The following CIZ1 variants were observed in gnomAD, a reference collection of about 807,000 sequenced individuals.
The protein encoded by CIZ1 is cip1-interacting zinc finger protein.
CIZ1 carries 58 observed loss-of-function variants against 118.6 expected under a neutral mutation model. The ratio of observed to expected loss-of-function variants is 0.49; its 90% CI spans 0.40 to 0.61. The LOEUF (loss-of-function observed/expected upper bound fraction) is 0.61, where lower values mean the gene tolerates loss of function less well. Ranked by LOEUF, CIZ1 falls within the 20% of genes least tolerant of loss-of-function variation. CIZ1 has a pLI of 0.00. For missense variants in CIZ1, 921 were observed against 1,115.9 expected (o/e 0.83, Z 2.49); for synonymous variants, 448 against 443.4 (o/e 1.01, Z -0.13).
At chr9:128,175,359 T>G (rs1373392090) in intron 11 of CIZ1, among the ~76,000 whole-genome samples, 2 of 152,140 alleles carry the variant, frequency 1.3e-5, no homozygotes, top group African/African-American at 2.4e-5. Flanking sequence ...GTCATCATTC[T>G]CCTGTGTTTA....
Position 128,190,400 on chromosome 9 carries a change from T to C in CIZ1, c.215A>G (p.Gln72Arg), listed in dbSNP as rs1182647844. The change falls in exon 3 of 17, where the codon CAG (glutamine) becomes CGG (arginine). Residue 72 changes from glutamine (Q) to arginine (R), a missense_variant. Transcript: ENST00000372938. ...QQPQQPLLNL[Q>R]GTNSASLLNG... ...GAGGAGGGAGGCTGAGTTGGTGCCC[T>C]GGAGATTCAGAAGCGGCTGCTGTGG... 1.2e-6 allele frequency: 2 copies of C among 1,613,916 alleles called. No individual in the cohort carries two copies. Among genetic ancestry groups the C allele is most frequent in the Admixed American group, 1.7e-5 (1 of 60,004 alleles).
intron 5 of CIZ1, among the ~76,000 whole-genome samples, chr9:128,184,873 T>C (rs1832151421): frequency 6.6e-6 from 1 of 152,074 alleles, no homozygotes; most frequent in African/African-American, 2.4e-5. Flanking sequence ...TTTTGCCATA[T>C]TGGCCAGGCT....
At chr9:128,178,335 G>C (rs748443356) in intron 9 of CIZ1, 34 bp downstream of exon 9, 3 of 1,597,802 alleles carry the variant, frequency 1.9e-6, no homozygotes, top group Middle Eastern at 1.7e-4. Context: ...GGGCTCTGTG[G>C]CCCTCACACT....
upstream of CIZ1, among the ~76,000 whole-genome samples, chr9:128,193,188 G>A (rs1301844224): frequency 6.6e-6 from 1 of 152,228 alleles, no homozygotes; most frequent in Admixed American, 6.5e-5. Flanking sequence ...CCGGAGCGCA[G>A]GGTGGCGTCC....
At chr9:128,198,857 G>C (rs967613626) in intron 1 of CIZ1, among the ~76,000 whole-genome samples, 1 of 151,228 alleles carries the variant, frequency 6.6e-6, no homozygotes, top group African/African-American at 2.4e-5. Context: ...TTTATTTTTT[G>C]TGCACTAAAA....
chr9:128,180,539 G>A lies in CIZ1; in HGVS notation c.683-16C>T, dbSNP rs759484966. 3.2e-5 allele frequency: 52 copies of A among 1,602,248 alleles called. No individual in the cohort carries two copies. The highest frequency in any genetic ancestry group is 3.7e-5 in the Non-Finnish European group (43 of 1,169,482). ...AAATCTTGGTCTGGAATGGAGGCAT[G>A]AGCGAGGGAACTCATGTTGGGAAGA... is the stretch of plus-strand genomic sequence containing the variant. On this transcript the variant is annotated splice_polypyrimidine_tract_variant and intron_variant, in intron 6 of 16. Coordinates refer to ENST00000372938, the MANE Select transcript of CIZ1 (RefSeq NM_001131016.2).
chr9:128,203,554 C>T lies in CIZ1; in HGVS notation c.-6+632G>A, dbSNP rs577437504. The T allele has an allele frequency of 4.9e-5, 76 of 1,549,390 alleles. 1 individual carries two copies. The South Asian group carries it at 8.3e-4, about 17-fold the overall frequency. On this transcript the variant is annotated intron_variant, in intron 1 of 17. Coordinates refer to the CIZ1 transcript ENST00000372948. The surrounding 1 kb of genome is among the most constrained non-coding windows in gnomAD (Gnocchi z 5.3). ...TCTCTGCCATCGGCCAGAACGCGGACCTCGACCTGCCGCAGATCGCTGTGG... is the reference window on the plus strand; with the variant it reads ...TCTCTGCCATCGGCCAGAACGCGGATCTCGACCTGCCGCAGATCGCTGTGG...
intron 4 of CIZ1, among the ~76,000 whole-genome samples, chr9:128,187,075 G>C (rs1199871738): frequency 6.6e-6 from 1 of 151,994 alleles, no homozygotes; most frequent in Non-Finnish European, 1.5e-5. Context: ...GACTAGCTGG[G>C]ACTACAGACG....
chr9:128,202,307 A>C (rs1254053448), intron 1 of CIZ1, among the ~76,000 whole-genome samples: 1 of 152,124 alleles, frequency 6.6e-6, no homozygotes, highest in Non-Finnish European at 1.5e-5. Context: ...CGTGAATACT[A>C]ATTAGGTTTC....
At chr9:128,177,544 C>T in intron 10 of CIZ1, 22 bp downstream of exon 10, 2 of 1,303,676 alleles carry the variant, frequency 1.5e-6, no homozygotes, top group Non-Finnish European at 2.1e-6. Flanking sequence ...CCCCTCCCCA[C>T]CCTTATCTCC....
Position 128,166,111 on chromosome 9 carries a change from G to T in CIZ1, c.*86C>A. ...TTTATTGGATTTTGAGTAAAAACAT[G>T]AACCATGTCAAAGTTTCCAGGCAGA... On this transcript the variant is annotated 3_prime_UTR_variant, in exon 17 of 17. Coordinates refer to ENST00000372938, the MANE Select transcript of CIZ1 (RefSeq NM_001131016.2). This position sits in a 1 kb window ranked among gnomAD's most constrained non-coding sequence, Gnocchi z 4.4. 2.1e-6 allele frequency: 2 copies of T among 952,040 alleles called. No homozygotes were observed. The highest frequency in any genetic ancestry group is 3.0e-6 in the Non-Finnish European group (2 of 670,162). 59.0% of individuals were successfully genotyped at this position (952,040 alleles called of 1,614,324 possible).
At chr9:128,178,524 C>T in intron 8 of CIZ1, 34 bp from the exon 9 acceptor site, 2 of 1,613,816 alleles carry the variant, frequency 1.2e-6, no homozygotes, top group African/African-American at 2.7e-5. Flanking sequence ...TTCCCAGAGT[C>T]CCCAGGCCCA....
chr9:128,201,053 G>A (rs983066550), intron 1 of CIZ1, among the ~76,000 whole-genome samples: 2 of 151,934 alleles, frequency 1.3e-5, no homozygotes, highest in African/African-American at 4.8e-5. Flanking sequence ...CAGATCACAA[G>A]GTCAGGAGAT....
chr9:128,198,342 G>A (rs1413144351), intron 1 of CIZ1: 1 of 152,090 alleles, frequency 6.6e-6, no homozygotes, highest in East Asian at 1.9e-4. Context: ...GCTGAGATCT[G>A]GCACATAGTA....
intron 5 of CIZ1, 120 bp from the exon 6 acceptor site, chr9:128,180,934 G>A (rs918225222): frequency 4.1e-6 from 3 of 726,120 alleles, no homozygotes; most frequent in Admixed American, 2.6e-5. Flanking sequence ...CCTCTGGTGG[G>A]CCTGGCCCCA....
chr9:128,169,023 G>A, intron 14 of CIZ1, 29 bp downstream of exon 14: 1 of 1,613,164 alleles, frequency 6.2e-7, no homozygotes, highest in Non-Finnish European at 8.5e-7. Context: ...CCAGCACCAA[G>A]CCCGCCTCCC....
At chr9:128,168,242 A>G (rs1475035626) in intron 14 of CIZ1, among the ~76,000 whole-genome samples, 1 of 152,210 alleles carries the variant, frequency 6.6e-6, no homozygotes, top group Non-Finnish European at 1.5e-5. Context: ...CTGGCTGGGC[A>G]TGGTGGCTCA....
chr9:128,192,474 C>G (rs1270321433), upstream of CIZ1, among the ~76,000 whole-genome samples: 1 of 151,998 alleles, frequency 6.6e-6, no homozygotes, highest in Non-Finnish European at 1.5e-5. Context: ...CCTTAACAAC[C>G]GCTGTATCCC....
upstream of CIZ1, among the ~76,000 whole-genome samples, chr9:128,195,733 ACC>A (rs1442999771): frequency 1.3e-5 from 2 of 151,976 alleles, no homozygotes; most frequent in Non-Finnish European, 2.9e-5. Context: ...GAATATGTTT[ACC>A]CCCTCATAGT....
Sources: gnomAD v4.1 joint callset for allele counts (sites outside exome capture counted in the v4.1 genomes callset) on GRCh38, gnomAD v4.1.1 for gene constraint, Gnocchi (gnomAD v3.1) non-coding constraint, MANE v1.5 for transcripts, NCBI Gene and HGNC (gene_info 2026-07-23, HGNC 2026-07-21) for gene names.